The following PDE7B variants were observed in gnomAD, a reference collection of about 807,000 sequenced individuals.
PDE7B encodes the protein phosphodiesterase 7B.
Under a neutral mutation model 56.2 loss-of-function variants are expected in PDE7B, and 29 were observed. The ratio of observed to expected loss-of-function variants is 0.52; its 90% CI spans 0.38 to 0.70. The LOEUF (loss-of-function observed/expected upper bound fraction) is 0.70, where lower values mean the gene tolerates loss of function less well. Ranked by LOEUF, PDE7B falls within the 30% of genes least tolerant of loss-of-function variation. The pLI, the probability that PDE7B is intolerant of heterozygous loss-of-function variation, is 0.00. For synonymous variants in PDE7B, 197 were observed against 196.9 expected (o/e 1.00, Z 0.00); for missense variants, 490 against 565.0 (o/e 0.87, Z 1.35).
In PDE7B at chr6:135,909,990, G is replaced by A. The variant is rs1776184853; in HGVS notation, c.22-37474G>A. ...CGCCCTCTACTGCTTACATTTGCAA[G>A]AGACTGTTCCTGTTGCTTGCTACCT... On this transcript the variant is annotated intron_variant, in intron 1 of 12. Transcript: ENST00000308191. Among the ~76,000 whole-genome samples, 4 of 152,194 alleles carry A rather than the reference G, an allele frequency of 2.6e-5. No homozygotes were observed. In the South Asian group the frequency reaches 8.3e-4, roughly 32 times the overall value.
intron 4 of PDE7B, among the ~76,000 whole-genome samples, chr6:136,147,732 C>T (rs1778440752): frequency 6.6e-6 from 1 of 152,180 alleles, no homozygotes; most frequent in Non-Finnish European, 1.5e-5. Context: ...TATACCCATG[C>T]CTAACACATA....
At chr6:135,941,986 A>G (rs1442027498) in intron 1 of PDE7B, among the ~76,000 whole-genome samples, 2 of 152,208 alleles carry the variant, frequency 1.3e-5, no homozygotes, top group Non-Finnish European at 2.9e-5. Flanking sequence ...AAAAAACATT[A>G]ACTGGTTTAA....
At chr6:136,141,397 T>C (rs1442886931) in intron 3 of PDE7B, among the ~76,000 whole-genome samples, 2 of 152,226 alleles carry the variant, frequency 1.3e-5, no homozygotes, top group African/African-American at 4.8e-5. Context: ...CTTGCATTGA[T>C]GTTCATCAGG....
intron 1 of PDE7B, among the ~76,000 whole-genome samples, chr6:135,926,073 T>A (rs915933907): frequency 6.6e-5 from 5 of 75,602 alleles, no homozygotes; most frequent in African/African-American, 2.6e-4. Context: ...TGCTTCTGTT[T>A]TTTCTTTTTT....
intron 3 of PDE7B, among the ~76,000 whole-genome samples, chr6:136,126,233 G>A (rs985864707): frequency 6.6e-5 from 10 of 152,048 alleles, no homozygotes; most frequent in Non-Finnish European, 5.9e-5. Flanking sequence ...CTAAGAAGGC[G>A]AACAACTTCT....
chr6:136,143,379 A>T (rs940171640), intron 3 of PDE7B, among the ~76,000 whole-genome samples: 13 of 151,932 alleles, frequency 8.6e-5, no homozygotes, highest in African/African-American at 3.1e-4. Flanking sequence ...TAAAAAAAAA[A>T]TGCAAGACAG....
intron 1 of PDE7B, among the ~76,000 whole-genome samples, chr6:135,853,504 C>T (rs184253428): frequency 2.0e-5 from 3 of 152,282 alleles, no homozygotes; most frequent in South Asian, 2.1e-4. Flanking sequence ...AGACAGGTGT[C>T]AGTAGTTACG....
chr6:136,119,814 T>C (rs1777899341), intron 3 of PDE7B, among the ~76,000 whole-genome samples: 1 of 152,220 alleles, frequency 6.6e-6, no homozygotes, highest in Admixed American at 6.5e-5. Context: ...CACTCAACCA[T>C]ATAAGGCTTC....
intron 2 of PDE7B, among the ~76,000 whole-genome samples, chr6:135,988,754 A>G (rs1303215677): frequency 6.6e-6 from 1 of 152,184 alleles, no homozygotes; most frequent in Non-Finnish European, 1.5e-5. Context: ...CCTCAGGGAA[A>G]TCGTGAGATA....
chr6:135,862,938 T>C (rs1775178505), intron 1 of PDE7B, among the ~76,000 whole-genome samples: 1 of 151,964 alleles, frequency 6.6e-6, no homozygotes, highest in Non-Finnish European at 1.5e-5. Flanking sequence ...TTTAGAAGTA[T>C]ATTTATTAAT....
intron 9 of PDE7B, among the ~76,000 whole-genome samples, chr6:136,178,625 C>T (rs1779016960): frequency 6.6e-6 from 1 of 152,288 alleles, no homozygotes; most frequent in African/African-American, 2.4e-5. Context: ...TCTCTCCGTG[C>T]ACATCTTCAT....
chr6:135,938,126 G>A (rs1197135696), intron 1 of PDE7B, among the ~76,000 whole-genome samples: 4 of 152,162 alleles, frequency 2.6e-5, no homozygotes, highest in Admixed American at 6.5e-5. Flanking sequence ...TTTGAACCCC[G>A]ATATACTCAG....
intron 8 of PDE7B, among the ~76,000 whole-genome samples, chr6:136,170,757 G>A (rs1024102156): frequency 6.6e-6 from 1 of 152,124 alleles, no homozygotes; most frequent in Admixed American, 6.5e-5. Flanking sequence ...GGCATCTCAT[G>A]GCATCAGAGA....
intron 2 of PDE7B, among the ~76,000 whole-genome samples, chr6:136,092,567 C>T (rs2128216263): frequency 6.6e-6 from 1 of 152,262 alleles, no homozygotes; most frequent in Non-Finnish European, 1.5e-5. Context: ...TCGAGACCAG[C>T]CTGGCCAACA....
intron 1 of PDE7B, among the ~76,000 whole-genome samples, chr6:135,881,531 G>A (rs973655601): frequency 2.0e-5 from 3 of 152,012 alleles, no homozygotes; most frequent in African/African-American, 7.2e-5. Context: ...AGTAAGGTCA[G>A]TGTTGGAGTC....
rs369634862 is a variant in PDE7B at position 135,964,098 on chromosome 6, GT to G, written c.82+16584del. Among the ~76,000 whole-genome samples, 662 of 148,678 alleles carry G rather than the reference GT, an allele frequency of 4.5e-3. 3 individuals are homozygous for G. The highest frequency in any genetic ancestry group is 0.014 in the African/African-American group (582 of 40,694). On this transcript the variant is annotated intron_variant, in intron 2 of 12. Transcript: ENST00000308191. ...TTTTAACATAAAAAGCTTTTTCTGG[GT>G]TTTTTTTTTCTTTTATTTTTTTTGA...
At chr6:136,180,655 C>CA in intron 10 of PDE7B, among the ~76,000 whole-genome samples, 1 of 152,180 alleles carries the variant, frequency 6.6e-6, no homozygotes, top group Non-Finnish European at 1.5e-5. Flanking sequence ...TCATTACTGA[C>CA]AAAAAGCTGG....
intron 2 of PDE7B, among the ~76,000 whole-genome samples, chr6:136,031,804 A>G (rs9389364): frequency 0.28 from 42,670 of 150,536 alleles, 7,396 homozygotes; most frequent in Admixed American, 0.4. Context: ...TTGTTATGTC[A>G]TTTATATAAA....
At chr6:136,003,291 A>T (rs1479376303) in intron 2 of PDE7B, among the ~76,000 whole-genome samples, 1 of 151,330 alleles carries the variant, frequency 6.6e-6, no homozygotes, top group Non-Finnish European at 1.5e-5. Flanking sequence ...AATTAAAAGA[A>T]CTAGAAAAGC....
Sources: gnomAD v4.1 joint callset for allele counts (sites outside exome capture counted in the v4.1 genomes callset) on GRCh38, gnomAD v4.1.1 for gene constraint, MANE v1.5 for transcripts, NCBI Gene and HGNC (gene_info 2026-07-23, HGNC 2026-07-21) for gene names.